Variants in CWF19L2 observed in about 807,000 individuals in gnomAD.
CWF19L2 encodes the protein CWF19-like protein 2.
Under a neutral mutation model 111.7 loss-of-function variants are expected in CWF19L2, and 98 were observed. The ratio of observed to expected loss-of-function variants is 0.88; its 90% CI spans 0.75 to 1.04. The LOEUF (loss-of-function observed/expected upper bound fraction) is 1.04, where lower values mean the gene tolerates loss of function less well. Among genes scored for constraint, CWF19L2 ranks in the 50% least tolerant of loss-of-function variants. The probability of loss-of-function intolerance (pLI) is 0.00; values close to 1 mark genes in which losing one functional copy is unlikely to be tolerated. For synonymous variants in CWF19L2, 351 were observed against 342.9 expected (o/e 1.02, Z -0.26); for missense variants, 1,101 against 1,051.4 (o/e 1.05, Z -0.65).
At chr11:107,452,541 C>T (rs1452701855) in intron 3 of CWF19L2, among the ~76,000 whole-genome samples, 1 of 152,138 alleles carries the variant, frequency 6.6e-6, no homozygotes, top group Non-Finnish European at 1.5e-5. Flanking sequence ...TCCCTAAATT[C>T]CTTCCAATAG....
At chr11:107,443,713 C>T (rs1226184114) in intron 3 of CWF19L2, among the ~76,000 whole-genome samples, 1 of 152,188 alleles carries the variant, frequency 6.6e-6, no homozygotes, top group Non-Finnish European at 1.5e-5. Flanking sequence ...GGGGAAACAC[C>T]ACCCAGGTAA....
Position 107,418,280 on chromosome 11 carries a change from C to G in CWF19L2, c.1441G>C (p.Glu481Gln). 1 of 1,608,644 alleles carries G rather than the reference C, an allele frequency of 6.2e-7. No homozygotes were observed. The highest frequency in any genetic ancestry group is 1.1e-5 in the South Asian group (1 of 90,964). Residue 481 changes from glutamate to glutamine, a missense_variant, in exon 9 of 18, where the codon GAG becomes CAG. Glu to Gln is a conservative substitution (Grantham distance 29, BLOSUM62 2). Transcript: ENST00000282251. Reference protein sequence around the residue: ...DTKSTFAGSPERESIHILSVD... With the variant: ...DTKSTFAGSPQRESIHILSVD... The stretch of plus-strand genomic sequence containing the variant: ...CTCAGGATGTGAATGGACTCACGCT[C>G]TGGACTGCTATTGGAATAGGAAAGA...
chr11:107,403,436 G>A lies in CWF19L2; in HGVS notation c.1618-10541C>T, dbSNP rs112587277. ...CTCATCTTCTGGTAGGGGATCTGTC[G>A]GTGGCTCTTCCACTGTTGTGCTGTT... On this transcript the variant is annotated intron_variant, in intron 10 of 17. Transcript: ENST00000282251. 96 of 771,672 alleles carry A rather than the reference G, an allele frequency of 1.2e-4. 1 individual carries two copies. Among genetic ancestry groups the A allele is most frequent in the East Asian group, 6.8e-4 (27 of 39,650 alleles). 47.8% of individuals were successfully genotyped at this position (771,672 alleles called of 1,614,324 possible).
At chr11:107,359,170 C>T (rs1350408352) in intron 12 of CWF19L2, among the ~76,000 whole-genome samples, 1 of 152,164 alleles carries the variant, frequency 6.6e-6, no homozygotes, top group Non-Finnish European at 1.5e-5. Context: ...CAACAGAGAC[C>T]AACACTGAGC....
In CWF19L2 at chr11:107,340,969, T is replaced by A. The variant is rs75910586; in HGVS notation, c.2203-4256A>T. On this transcript the variant is annotated intron_variant, in intron 14 of 17. Coordinates refer to ENST00000282251, the MANE Select transcript of CWF19L2 (RefSeq NM_152434.3). ...CATATTTACAAATTTGTCTTCCAAA[T>A]CAATTCTCATGGCATTTTTGAGATC... Among the ~76,000 whole-genome samples the A allele has an allele frequency of 2.3e-3, 350 of 152,326 alleles. 13 individuals are homozygous for A. The East Asian group carries it at 0.058, about 25-fold the overall frequency.
intron 11 of CWF19L2, among the ~76,000 whole-genome samples, chr11:107,391,866 T>G (rs183545402): frequency 3.3e-4 from 50 of 152,340 alleles, no homozygotes; most frequent in Middle Eastern, 6.8e-3. Flanking sequence ...TTCATTATAC[T>G]CAAAGAGCAA....
chr11:107,400,833 C>T (rs1022964995), intron 10 of CWF19L2, among the ~76,000 whole-genome samples: 5 of 152,144 alleles, frequency 3.3e-5, no homozygotes, highest in Non-Finnish European at 5.9e-5. Context: ...ACTAGCTAAC[C>T]GAATCCAATG....
At chr11:107,384,777 A>G (rs1860740594) in intron 12 of CWF19L2, among the ~76,000 whole-genome samples, 1 of 152,234 alleles carries the variant, frequency 6.6e-6, no homozygotes, top group Non-Finnish European at 1.5e-5. Flanking sequence ...GGCCCTTTAC[A>G]AGAAAAGTTT....
At chr11:107,334,434 T>C (rs931193975) in intron 16 of CWF19L2, among the ~76,000 whole-genome samples, 3 of 152,238 alleles carry the variant, frequency 2.0e-5, no homozygotes, top group Admixed American at 6.5e-5. Context: ...TATAGTTTTA[T>C]AGGAACATAA....
chr11:107,431,033 A>C (rs928066314), intron 7 of CWF19L2, among the ~76,000 whole-genome samples: 3 of 152,014 alleles, frequency 2.0e-5, no homozygotes, highest in African/African-American at 7.2e-5. Flanking sequence ...AAAAACAAAA[A>C]AGTACCTTTT....
chr11:107,419,209 C>T (rs1443089823), intron 8 of CWF19L2, among the ~76,000 whole-genome samples: 1 of 152,198 alleles, frequency 6.6e-6, no homozygotes, highest in Non-Finnish European at 1.5e-5. Context: ...TCAAAAAGCA[C>T]TAGACACAGT....
rs187235790 is a variant in CWF19L2 at position 107,388,571 on chromosome 11, G to A, written c.1872+1503C>T. ...CTAATTTTGTATTTTTAGTAGAGAC[G>A]GGGATTCACTATGTTGGCCAGGCTG... On this transcript the variant is annotated intron_variant, in intron 12 of 17. Coordinates refer to ENST00000282251, the MANE Select transcript of CWF19L2 (RefSeq NM_152434.3). Among the ~76,000 whole-genome samples, 948 of 152,060 alleles carry A rather than the reference G, an allele frequency of 6.2e-3. 7 individuals are homozygous for A. Among genetic ancestry groups the A allele is most frequent in the African/African-American group, 0.022 (908 of 41,450 alleles).
intron 7 of CWF19L2, among the ~76,000 whole-genome samples, chr11:107,432,035 G>A (rs2135412104): frequency 6.6e-6 from 1 of 152,176 alleles, no homozygotes; most frequent in South Asian, 2.1e-4. Flanking sequence ...GTGGGGTGGG[G>A]AAGGCCTGTC....
At chr11:107,361,251 A>C (rs770866497) in intron 12 of CWF19L2, among the ~76,000 whole-genome samples, 79 of 152,200 alleles carry the variant, frequency 5.2e-4, no homozygotes, top group Non-Finnish European at 9.3e-4. Context: ...TTTGTCAAAG[A>C]TCAGTTGATT....
intron 10 of CWF19L2, among the ~76,000 whole-genome samples, chr11:107,415,505 T>C (rs1861212940): frequency 6.6e-6 from 1 of 152,252 alleles, no homozygotes; most frequent in South Asian, 2.1e-4. Flanking sequence ...TTTTGTTCAC[T>C]AACAGATAGA....
intron 8 of CWF19L2, among the ~76,000 whole-genome samples, chr11:107,424,719 T>C (rs3737451): frequency 0.1 from 15,215 of 151,894 alleles, 1,343 homozygotes; most frequent in African/African-American, 0.22. Context: ...TTTTTAGTAT[T>C]TTCTAACAAG....
chr11:107,380,025 C>A (rs572659251), intron 12 of CWF19L2, among the ~76,000 whole-genome samples: 1 of 111,474 alleles, frequency 9.0e-6, no homozygotes. Context: ...CCAACCTGGG[C>A]GACAGAGCGA....
At chr11:107,354,012 T>A (rs1000367782) in intron 12 of CWF19L2, among the ~76,000 whole-genome samples, 3 of 152,122 alleles carry the variant, frequency 2.0e-5, no homozygotes, top group African/African-American at 7.2e-5. Context: ...GCATTTTCAT[T>A]TTCAACTAAT....
At chr11:107,345,074 A>G (rs577773199) in intron 14 of CWF19L2, among the ~76,000 whole-genome samples, 1 of 152,104 alleles carries the variant, frequency 6.6e-6, no homozygotes, top group African/African-American at 2.4e-5. Flanking sequence ...TCCACTCATC[A>G]TTACCTTCAC....
Sources: allele counts gnomAD v4.1 joint callset (sites outside exome capture counted in the v4.1 genomes callset), GRCh38; gene constraint gnomAD v4.1.1; transcripts MANE v1.5; gene names NCBI Gene and HGNC (gene_info 2026-07-23, HGNC 2026-07-21).